The following MN1 variants were observed in gnomAD, a reference collection of about 807,000 sequenced individuals.
MN1 encodes the protein MN1 proto-oncogene, transcriptional regulator, also known as transcriptional activator MN1.
In MN1, 19 loss-of-function variants were observed where a neutral mutation model predicts 86.9. That is an observed-to-expected ratio of 0.22 (90% CI 0.15 to 0.32). The LOEUF (loss-of-function observed/expected upper bound fraction) is 0.32. Ranked by LOEUF, MN1 falls within the 10% of genes least tolerant of loss-of-function variation. MN1 has a pLI of 1.00. For missense variants in MN1, 1,841 were observed against 1,862.0 expected (o/e 0.99, Z 0.21); for synonymous variants, 928 against 849.6 (o/e 1.09, Z -1.60).
intron 1 of MN1, among the ~76,000 whole-genome samples, chr22:27,768,497 C>T (rs908718578): frequency 2.0e-5 from 3 of 152,144 alleles, no homozygotes; most frequent in Non-Finnish European, 4.4e-5. Flanking sequence ...AGGCTTTTAC[C>T]CAAGGACCCA....
rs753725824 is a variant in MN1 at position 27,799,044 on chromosome 22, CGGTGT to C, written c.1495_1499del (p.Thr499AlafsTer59). On this transcript the variant is annotated frameshift_variant, in exon 1 of 2. Coordinates refer to ENST00000302326, the MANE Select transcript of MN1 (RefSeq NM_002430.3). LOFTEE classifies it high-confidence loss of function. ...CCGAAGGGAAGCTGTCGGGCACAGGCGGTGTGAACTCGCCGGGTAGGCCTGGGTAG... is the reference window on the plus strand; with the variant it reads ...CCGAAGGGAAGCTGTCGGGCACAGGCGAACTCGCCGGGTAGGCCTGGGTAG... 4 of 1,611,456 alleles carry C rather than the reference CGGTGT, an allele frequency of 2.5e-6. No individual in the cohort carries two copies. Among genetic ancestry groups the C allele is most frequent in the Non-Finnish European group, 3.4e-6 (4 of 1,178,922 alleles).
At chr22:27,761,528 G>C (rs1014070192) in intron 1 of MN1, among the ~76,000 whole-genome samples, 1 of 151,600 alleles carries the variant, frequency 6.6e-6, no homozygotes, top group East Asian at 1.9e-4. Flanking sequence ...GCCCCTTAAC[G>C]TTTCTTCCCT....
At position 27,764,016 on chromosome 22, in the gene MN1, G is replaced by A. The variant is rs1215272337; in HGVS notation, c.3782-12920C>T. ...CCTTCCAAAGCAAGAGACTGGCCCA[G>A]GGACCCTGATTTAGGGATGGGTGTG... On this transcript the variant is annotated intron_variant, in intron 1 of 1. Coordinates refer to ENST00000302326, the MANE Select transcript of MN1 (RefSeq NM_002430.3). Among the ~76,000 whole-genome samples the A allele has an allele frequency of 2.0e-5, 3 of 152,154 alleles. No homozygotes were observed. The East Asian group carries it at 5.8e-4, about 29-fold the overall frequency.
chr22:27,772,812 A>G (rs1932930777), intron 1 of MN1, among the ~76,000 whole-genome samples: 1 of 151,860 alleles, frequency 6.6e-6, no homozygotes, highest in Non-Finnish European at 1.5e-5. Context: ...TTTGGTACTT[A>G]GCAATTGCTC....
chr22:27,768,467 G>A (rs1216461731), intron 1 of MN1, among the ~76,000 whole-genome samples: 1 of 152,160 alleles, frequency 6.6e-6, no homozygotes, highest in Non-Finnish European at 1.5e-5. Context: ...AGTACTGCTT[G>A]GTGTCGGTTG....
intron 1 of MN1, among the ~76,000 whole-genome samples, chr22:27,793,130 C>A (rs1933237264): frequency 6.6e-6 from 1 of 152,074 alleles, no homozygotes; most frequent in African/African-American, 2.4e-5. Flanking sequence ...TTCAAGACTG[C>A]CCTGGGTTTC....
intron 1 of MN1, among the ~76,000 whole-genome samples, chr22:27,774,201 C>T (rs961859887): frequency 6.6e-6 from 1 of 152,190 alleles, no homozygotes; most frequent in Admixed American, 6.5e-5. Flanking sequence ...CTGGGCAGAT[C>T]GCTTCCTCTA....
rs1932756531 is a variant in MN1, at chr22:27,750,787, A to G, written c.*128T>C. The G allele has an allele frequency of 2.4e-6, 2 of 821,996 alleles. No homozygotes were observed. The highest frequency in any genetic ancestry group is 3.6e-6 in the Non-Finnish European group (2 of 557,284). 50.9% of individuals were successfully genotyped at this position (821,996 alleles called of 1,614,324 possible). A position where few individuals can be genotyped will look rare whatever the true frequency, so the allele number is the denominator to read the frequency against. Reference sequence around the variant, plus strand: ...AAGCAGGTACCAACCTAGAGAAAAAAAAAAAACTCATCCACTCAGCAATAG... The same window carrying G: ...AAGCAGGTACCAACCTAGAGAAAAAGAAAAAACTCATCCACTCAGCAATAG... On this transcript the variant is annotated 3_prime_UTR_variant, in exon 2 of 2. Coordinates refer to ENST00000302326, the MANE Select transcript of MN1 (RefSeq NM_002430.3).
At chr22:27,754,124 C>A (rs554556416) in intron 1 of MN1, among the ~76,000 whole-genome samples, 3 of 152,284 alleles carry the variant, frequency 2.0e-5, no homozygotes, top group East Asian at 3.9e-4. Context: ...GCTGCAAACA[C>A]CCAGAAAGTG....
rs1933413242 is a variant in MN1, at chr22:27,800,451, G to A, written c.93C>T (p.Asn31=). Residue 31 remains asparagine, a synonymous_variant, in exon 1 of 2, where the codon AAC becomes AAT. Transcript: ENST00000302326. ...RNFNETGLSM[N]THFKAPAFHT... ...GGAAAGCCGGGGCCTTAAAGTGGGT[G>A]TTCATGCTCAGTCCGGTCTCGTTAA... is the stretch of plus-strand genomic sequence containing the variant. The A allele has an allele frequency of 1.9e-6, 3 of 1,614,100 alleles. No individual in the cohort carries two copies. Among genetic ancestry groups the A allele is most frequent in the South Asian group, 1.1e-5 (1 of 91,094 alleles).
intron 1 of MN1, among the ~76,000 whole-genome samples, chr22:27,793,859 C>T (rs1163507146): frequency 1.3e-5 from 2 of 152,086 alleles, no homozygotes; most frequent in Non-Finnish European, 2.9e-5. Context: ...TGTTAAATAC[C>T]GACTAGTATT....
intron 1 of MN1, among the ~76,000 whole-genome samples, chr22:27,778,833 C>T: frequency 6.6e-6 from 1 of 152,216 alleles, no homozygotes; most frequent in East Asian, 1.9e-4. Context: ...ACAAGCCTCA[C>T]TCGGGTAGGA....
intron 1 of MN1, among the ~76,000 whole-genome samples, chr22:27,793,821 T>C (rs905533540): frequency 5.3e-5 from 8 of 152,216 alleles, no homozygotes; most frequent in African/African-American, 1.9e-4. Context: ...GACTTATTCG[T>C]TCCCTCCAAT....
intron 1 of MN1, among the ~76,000 whole-genome samples, chr22:27,756,827 C>T (rs755133079): frequency 6.6e-5 from 10 of 152,210 alleles, no homozygotes; most frequent in Non-Finnish European, 7.3e-5. Flanking sequence ...ACAATCATAG[C>T]TCACTGCAAC....
chr22:27,759,872 G>T (rs1932823181), intron 1 of MN1, among the ~76,000 whole-genome samples: 1 of 152,178 alleles, frequency 6.6e-6, no homozygotes, highest in Admixed American at 6.5e-5. Context: ...AGTGGTTTGG[G>T]TAGATATACA....
rs978287679 is a variant in MN1, at chr22:27,749,268, T to C, written c.*1647A>G. On this transcript the variant is annotated 3_prime_UTR_variant, in exon 2 of 2. Transcript: ENST00000302326. ...AATAAACAACGTGGGTGTTGTATGG[T>C]GAGCCCAGAGCCTTCAGGTCACTTG... is the stretch of plus-strand genomic sequence containing the variant. 2 of 231,528 alleles carry C rather than the reference T, an allele frequency of 8.6e-6. No individual in the cohort carries two copies. Among genetic ancestry groups the C allele is most frequent in the Non-Finnish European group, 1.7e-5 (2 of 117,048 alleles). 14.3% of individuals were successfully genotyped at this position (231,528 alleles called of 1,614,324 possible). A position where few individuals can be genotyped will look rare whatever the true frequency, so the allele number is the denominator to read the frequency against.
intron 1 of MN1, among the ~76,000 whole-genome samples, chr22:27,766,875 G>A (rs2146299301): frequency 6.6e-6 from 1 of 152,214 alleles, no homozygotes; most frequent in East Asian, 1.9e-4. Context: ...ACCAAGGGGA[G>A]GCAACACTAT....
intron 1 of MN1, among the ~76,000 whole-genome samples, chr22:27,793,000 C>A (rs1933235393): frequency 6.6e-6 from 1 of 152,122 alleles, no homozygotes; most frequent in South Asian, 2.1e-4. Context: ...CTGAGAGAAG[C>A]ATGAAATTCC....
Position 27,798,330 on chromosome 22 carries a change from A to C in MN1, c.2214T>G (p.Ser738=), listed in dbSNP as rs776779897. Residue 738 remains serine (S), a synonymous_variant, in exon 1 of 2, where the codon TCT becomes TCG. Coordinates refer to ENST00000302326, the MANE Select transcript of MN1 (RefSeq NM_002430.3). ...RRPPPPDFAT[S]ALGGQPGFPF... ...GAAAGCCCGGCTGGCCCCCGAGCGC[A>C]GACGTAGCAAAGTCCGGCGGCGGGG... 29 of 1,516,958 alleles carry C rather than the reference A, an allele frequency of 1.9e-5. No homozygotes were observed. Among genetic ancestry groups the C allele is most frequent in the Non-Finnish European group, 1.8e-6 (2 of 1,141,296 alleles). The allele number at this position is 1,516,958 out of a possible 1,614,324, so 94.0% of individuals were successfully genotyped here. A position where few individuals can be genotyped will look rare whatever the true frequency, so the allele number is the denominator to read the frequency against.
Sources: gnomAD v4.1 joint callset for allele counts (sites outside exome capture counted in the v4.1 genomes callset) on GRCh38, gnomAD v4.1.1 for gene constraint, MANE v1.5 for transcripts, NCBI Gene and HGNC (gene_info 2026-07-23, HGNC 2026-07-21) for gene names.